The following SPARCL1 variants were observed in gnomAD, a reference collection of about 807,000 sequenced individuals.
SPARCL1 encodes the protein SPARC-like protein 1.
A neutral mutation model predicts 67.1 loss-of-function variants in SPARCL1; 52 were observed. The ratio of observed to expected loss-of-function variants is 0.78; its 90% CI spans 0.62 to 0.98. The LOEUF (loss-of-function observed/expected upper bound fraction) is 0.98, where lower values mean the gene tolerates loss of function less well. Ranked by LOEUF, SPARCL1 falls within the 50% of genes least tolerant of loss-of-function variation. The pLI is 0.00. For missense variants in SPARCL1, 717 were observed against 782.4 expected (o/e 0.92, Z 1.00); for synonymous variants, 226 against 267.8 (o/e 0.84, Z 1.52).
chr4:87,501,505 G>GT (rs774280239), intron 1 of SPARCL1, among the ~76,000 whole-genome samples: 28 of 151,622 alleles, frequency 1.8e-4, no homozygotes, highest in African/African-American at 6.3e-4. Flanking sequence ...CTAGATTGGA[G>GT]TATTTTTTTC....
At chr4:87,483,523 T>A (rs1424526661) in intron 7 of SPARCL1, among the ~76,000 whole-genome samples, 2 of 152,230 alleles carry the variant, frequency 1.3e-5, no homozygotes, top group African/African-American at 4.8e-5. Context: ...TCTTTACTAT[T>A]GTGAACAGTG....
chr4:87,481,842 T>C (rs1005025134), intron 8 of SPARCL1, among the ~76,000 whole-genome samples: 10 of 152,228 alleles, frequency 6.6e-5, no homozygotes, highest in African/African-American at 2.2e-4. Flanking sequence ...CTTATTTGTT[T>C]AGAGTCTGTC....
At chr4:87,504,182 T>TGTGG (rs1553970321) in intron 1 of SPARCL1, among the ~76,000 whole-genome samples, 8 of 21,044 alleles carry the variant, frequency 3.8e-4, no homozygotes, top group Admixed American at 7.8e-4. Flanking sequence ...TGTGTGTGTG[T>TGTGG]GGTGGGGTGG....
At chr4:87,479,929 G>A (rs1181744209) in intron 9 of SPARCL1, among the ~76,000 whole-genome samples, 1 of 152,048 alleles carries the variant, frequency 6.6e-6, no homozygotes, top group African/African-American at 2.4e-5. Context: ...GGGAATTTAC[G>A]ATCAAGAATG....
chr4:87,523,260 C>CAAAAA (rs10632447), intron 1 of SPARCL1, among the ~76,000 whole-genome samples: 1 of 140,378 alleles, frequency 7.1e-6, no homozygotes, highest in Non-Finnish European at 1.6e-5. Flanking sequence ...GACTCTGTCT[C>CAAAAA]AAAAAAAAAA....
chr4:87,511,530 T>G (rs190309299), intron 1 of SPARCL1, among the ~76,000 whole-genome samples: 37 of 152,270 alleles, frequency 2.4e-4, no homozygotes, highest in Admixed American at 2.4e-3. Context: ...ATTCAACCAG[T>G]TGAGCAGAGA....
rs190220607 is a variant in SPARCL1 at position 87,527,035 on chromosome 4, T to C, written c.-12+2010A>G. On this transcript the variant is annotated intron_variant, in intron 1 of 10. Coordinates refer to ENST00000282470, the MANE Select transcript of SPARCL1 (RefSeq NM_004684.6). ...CACGGTCTTATATAAACAGGGTCCATATGGTCAGATATAAACCACAGGTCA... is the reference window on the plus strand; with the variant it reads ...CACGGTCTTATATAAACAGGGTCCACATGGTCAGATATAAACCACAGGTCA... Among the ~76,000 whole-genome samples the C allele has an allele frequency of 2.6e-5, 4 of 152,316 alleles. No homozygotes were observed. In the East Asian group the frequency reaches 7.7e-4, roughly 29 times the overall value.
intron 1 of SPARCL1, among the ~76,000 whole-genome samples, chr4:87,510,162 A>T (rs1725287577): frequency 6.6e-6 from 1 of 152,156 alleles, no homozygotes; most frequent in Non-Finnish European, 1.5e-5. Flanking sequence ...TACTCTTTTG[A>T]GGTTATTTAC....
At chr4:87,509,279 G>A (rs1725248868) in intron 1 of SPARCL1, among the ~76,000 whole-genome samples, 3 of 152,060 alleles carry the variant, frequency 2.0e-5, no homozygotes, top group Admixed American at 2.0e-4. Context: ...CTTCTGAACA[G>A]TTCTATCAGG....
intron 10 of SPARCL1, among the ~76,000 whole-genome samples, chr4:87,475,113 C>T (rs957123020): frequency 2.0e-5 from 3 of 152,108 alleles, no homozygotes; most frequent in Admixed American, 2.0e-4. Flanking sequence ...CTAAAAAATG[C>T]TCCCCTTTTT....
At chr4:87,507,990 G>A (rs1272200178) in intron 1 of SPARCL1, among the ~76,000 whole-genome samples, 2 of 152,232 alleles carry the variant, frequency 1.3e-5, no homozygotes, top group Admixed American at 6.5e-5. Flanking sequence ...GCACAGAGCT[G>A]CCAAGCCCTC....
chr4:87,495,189 AGTTAC>A, intron 2 of SPARCL1, 62 bp from the exon 3 acceptor site: 5 of 1,416,040 alleles, frequency 3.5e-6, no homozygotes, highest in Non-Finnish European at 4.9e-6. Flanking sequence ...CAAATTTGCT[AGTTAC>A]TCTTGTTGTC....
At position 87,520,545 on chromosome 4, in the gene SPARCL1, G is replaced by A. The variant is rs185642216; in HGVS notation, c.-12+8500C>T. On this transcript the variant is annotated intron_variant, in intron 1 of 10. Coordinates refer to ENST00000282470, the MANE Select transcript of SPARCL1 (RefSeq NM_004684.6). ...TTTGTTCCTAAGCAAGGCAAGCCAAGGTCATTGCAACCTTCCTGCATAATT... is the reference window on the plus strand; with the variant it reads ...TTTGTTCCTAAGCAAGGCAAGCCAAAGTCATTGCAACCTTCCTGCATAATT... 1.7e-4 allele frequency among the ~76,000 whole-genome samples: 26 copies of A among 152,302 alleles called. No individual in the cohort carries two copies. In the East Asian group the frequency reaches 4.6e-3, roughly 27 times the overall value.
Position 87,518,283 on chromosome 4 carries a change from C to T in SPARCL1, c.-12+10762G>A, listed in dbSNP as rs186683605. Among the ~76,000 whole-genome samples, 543 of 152,250 alleles carry T rather than the reference C, an allele frequency of 3.6e-3. 3 individuals are homozygous for T. Among genetic ancestry groups the T allele is most frequent in the South Asian group, 6.8e-3 (33 of 4,832 alleles). ...TGGTCCACAGCTGTTAATTCTTCTC[C>T]TCCCACCATGGGAAAAGACTTTTCC... On this transcript the variant is annotated intron_variant, in intron 1 of 10. Coordinates refer to ENST00000282470, the MANE Select transcript of SPARCL1 (RefSeq NM_004684.6).
chr4:87,475,183 C>T (rs1257455208), intron 10 of SPARCL1, among the ~76,000 whole-genome samples: 3 of 152,266 alleles, frequency 2.0e-5, no homozygotes, highest in South Asian at 2.1e-4. Flanking sequence ...ACTCCTTACC[C>T]TTTCTAATCT....
chr4:87,496,696 T>C (rs1397096371), intron 2 of SPARCL1, among the ~76,000 whole-genome samples: 1 of 152,198 alleles, frequency 6.6e-6, no homozygotes, highest in African/African-American at 2.4e-5. Flanking sequence ...AACTGCCCAG[T>C]ATCTGAGGCA....
intron 1 of SPARCL1, among the ~76,000 whole-genome samples, chr4:87,527,424 C>T (rs1410327151): frequency 6.6e-6 from 1 of 152,098 alleles, no homozygotes; most frequent in Middle Eastern, 3.2e-3. Context: ...AAAATGTTCC[C>T]AACCAGTTCT....
rs148783704 is a variant in SPARCL1, at chr4:87,483,432, C to T, written c.1532-872G>A. ...GACATGAACTTATCCTTTTTTATGG[C>T]TGCATAGTATTCCATGGTGTATATG... On this transcript the variant is annotated intron_variant, in intron 7 of 10. Coordinates refer to ENST00000282470, the MANE Select transcript of SPARCL1 (RefSeq NM_004684.6). Among the ~76,000 whole-genome samples, 697 of 152,252 alleles carry T rather than the reference C, an allele frequency of 4.6e-3. 6 individuals are homozygous for T. Among genetic ancestry groups the T allele is most frequent in the African/African-American group, 0.016 (671 of 41,540 alleles).
intron 7 of SPARCL1, among the ~76,000 whole-genome samples, chr4:87,484,688 G>A (rs1723979383): frequency 6.6e-6 from 1 of 152,058 alleles, no homozygotes; most frequent in African/African-American, 2.4e-5. Context: ...CCATTTTCAC[G>A]ATATTGATTC....
Sources: gnomAD v4.1 joint callset for allele counts (sites outside exome capture counted in the v4.1 genomes callset) on GRCh38, gnomAD v4.1.1 for gene constraint, MANE v1.5 for transcripts, NCBI Gene and HGNC (gene_info 2026-07-23, HGNC 2026-07-21) for gene names.